Variants in INPP5F observed in about 807,000 individuals in gnomAD.
The protein encoded by INPP5F is inositol polyphosphate-5-phosphatase F.
INPP5F carries 97 observed loss-of-function variants against 137.2 expected under a neutral mutation model. That is an observed-to-expected ratio of 0.71 (90% confidence interval 0.60 to 0.84). The LOEUF is 0.84. INPP5F is among the 40% of genes least tolerant of loss of function. The pLI, the probability that INPP5F is intolerant of heterozygous loss-of-function variation, is 0.00. For synonymous variants in INPP5F, 504 were observed against 476.9 expected (o/e 1.06, Z -0.74); for missense variants, 1,271 against 1,371.9 (o/e 0.93, Z 1.16).
intron 1 of INPP5F, 58 bp from the exon 2 acceptor site, chr10:119,751,018 T>C (rs1183706929): frequency 3.7e-6 from 4 of 1,083,492 alleles, no homozygotes; most frequent in Middle Eastern, 2.2e-4. Flanking sequence ...CTAAAGATAC[T>C]GTTTTAATAT....
At chr10:119,785,291 T>TTTTTTTTTTTG (rs1849851384) in intron 3 of INPP5F, among the ~76,000 whole-genome samples, 1 of 143,786 alleles carries the variant, frequency 7.0e-6, no homozygotes, top group South Asian at 2.5e-4. Flanking sequence ...AGACTGTTTT[T>TTTTTTTTTTTG]TTTTTTTTTT....
chr10:119,783,754 A>G lies in INPP5F; in HGVS notation c.315+1983A>G, dbSNP rs895889226. 2.0e-5 allele frequency among the ~76,000 whole-genome samples: 3 copies of G among 152,176 alleles called. No homozygotes were observed. The East Asian group carries it at 5.8e-4, about 29-fold the overall frequency. ...GTCTAAGGGAAAGAGATTATATTCA[A>G]ATAAAAAGGAAGTGAGATTTCCTCC... On this transcript the variant is annotated intron_variant, in intron 3 of 19. Transcript: ENST00000650623.
chr10:119,789,805 G>T (rs1312522611), intron 3 of INPP5F, among the ~76,000 whole-genome samples: 5 of 151,798 alleles, frequency 3.3e-5, no homozygotes, highest in Non-Finnish European at 7.4e-5. Flanking sequence ...ATGAGAAGGG[G>T]ATGAGGGACC....
intron 2 of INPP5F, among the ~76,000 whole-genome samples, chr10:119,752,990 A>AT (rs1848731880): frequency 6.7e-6 from 1 of 148,338 alleles, no homozygotes; most frequent in African/African-American, 2.5e-5. Flanking sequence ...TGCTATGAGC[A>AT]TTGTTGTATA....
At chr10:119,729,589 T>C (rs980910795) in intron 1 of INPP5F, among the ~76,000 whole-genome samples, 1 of 150,658 alleles carries the variant, frequency 6.6e-6, no homozygotes, top group Non-Finnish European at 1.5e-5. Context: ...TTTTTTTTTT[T>C]TTTCTGAGAC....
chr10:119,776,134 T>C (rs529942364), intron 2 of INPP5F, among the ~76,000 whole-genome samples: 1 of 152,300 alleles, frequency 6.6e-6, no homozygotes, highest in South Asian at 2.1e-4. Flanking sequence ...AGCTAAAATT[T>C]GAGTCCAATT....
intron 2 of INPP5F, among the ~76,000 whole-genome samples, chr10:119,767,492 T>A (rs1849209631): frequency 6.6e-6 from 1 of 152,182 alleles, no homozygotes; most frequent in Non-Finnish European, 1.5e-5. Context: ...TTTAAAAACT[T>A]AATCCAAAAG....
intron 2 of INPP5F, among the ~76,000 whole-genome samples, chr10:119,765,521 GC>G (rs1564815880): frequency 6.6e-6 from 1 of 151,014 alleles, no homozygotes; most frequent in African/African-American, 2.4e-5. Context: ...ACAGGTGCAC[GC>G]CATGATACCT....
At chr10:119,785,921 A>G (rs996945801) in intron 3 of INPP5F, among the ~76,000 whole-genome samples, 4 of 152,198 alleles carry the variant, frequency 2.6e-5, no homozygotes, top group African/African-American at 9.6e-5. Context: ...TTAAACAATG[A>G]GGACTTAGTT....
chr10:119,778,895 C>T (rs1265535), intron 2 of INPP5F, among the ~76,000 whole-genome samples: 52,820 of 151,946 alleles, frequency 0.35, 9,601 homozygotes, highest in South Asian at 0.46. Flanking sequence ...TTTATTTTAA[C>T]GGATATGTGA....
intron 2 of INPP5F, among the ~76,000 whole-genome samples, chr10:119,751,622 A>G (rs1167603790): frequency 1.3e-5 from 2 of 152,186 alleles, no homozygotes; most frequent in Non-Finnish European, 2.9e-5. Flanking sequence ...ATTGATGGGA[A>G]GTCCAGGTCA....
At chr10:119,796,646 C>T in intron 6 of INPP5F, 69 bp from the exon 7 acceptor site, 1 of 1,138,664 alleles carries the variant, frequency 8.8e-7, no homozygotes, top group Non-Finnish European at 1.3e-6. Flanking sequence ...GTGCTGACTA[C>T]TGTTTGGGTT....
chr10:119,810,784 T>C (rs998806603), intron 14 of INPP5F, among the ~76,000 whole-genome samples: 4 of 152,204 alleles, frequency 2.6e-5, no homozygotes, highest in Non-Finnish European at 4.4e-5. Flanking sequence ...TTAATACTCA[T>C]GAAGATGTTA....
At chr10:119,783,773 T>C (rs1243792448) in intron 3 of INPP5F, among the ~76,000 whole-genome samples, 1 of 152,176 alleles carries the variant, frequency 6.6e-6, no homozygotes, top group Non-Finnish European at 1.5e-5. Flanking sequence ...GAAGTGAGAT[T>C]TCCTCCATTG....
chr10:119,819,650 G>A, intron 15 of INPP5F: 1 of 763,110 alleles, frequency 1.3e-6, no homozygotes, highest in Admixed American at 3.5e-5. Context: ...TTAATGCTCA[G>A]ATTTTGGCTC....
At chr10:119,786,852 C>T (rs1226633383) in intron 3 of INPP5F, among the ~76,000 whole-genome samples, 1 of 152,028 alleles carries the variant, frequency 6.6e-6, no homozygotes, top group Admixed American at 6.6e-5. Context: ...GAAAAAATCA[C>T]TTTTAAGAGA....
At chr10:119,744,761 G>T (rs915124827) in intron 1 of INPP5F, among the ~76,000 whole-genome samples, 4 of 152,014 alleles carry the variant, frequency 2.6e-5, no homozygotes, top group South Asian at 4.2e-4. Flanking sequence ...GCCCAAGCTG[G>T]TCTCACACCC....
chr10:119,776,223 A>G (rs1267453978), intron 2 of INPP5F, among the ~76,000 whole-genome samples: 1 of 152,206 alleles, frequency 6.6e-6, no homozygotes, highest in African/African-American at 2.4e-5. Context: ...TTTCTGTTAC[A>G]TTATATTTTC....
chr10:119,820,068 T>C (rs1323487866), intron 15 of INPP5F, among the ~76,000 whole-genome samples: 1 of 152,196 alleles, frequency 6.6e-6, no homozygotes, highest in Admixed American at 6.5e-5. Context: ...ATTGTTAGAT[T>C]AATATTAGAC....
Sources: allele counts gnomAD v4.1 joint callset (sites outside exome capture counted in the v4.1 genomes callset), GRCh38; gene constraint gnomAD v4.1.1; transcripts MANE v1.5; gene names NCBI Gene and HGNC (gene_info 2026-07-23, HGNC 2026-07-21).